The following GLI3 variants were observed in gnomAD, a reference collection of about 807,000 sequenced individuals.
GLI3 encodes the protein transcription activator GLI3.
In GLI3, 20 loss-of-function variants were observed where a neutral mutation model predicts 100.8. The ratio of observed to expected loss-of-function variants is 0.20; its 90% confidence interval spans 0.14 to 0.29. The LOEUF is 0.29. Ranked by LOEUF, GLI3 falls within the 10% of genes least tolerant of loss-of-function variation. GLI3 has a pLI of 1.00. For missense variants in GLI3, 2,040 were observed against 2,128.5 expected (o/e 0.96, Z 0.82); for synonymous variants, 938 against 860.5 (o/e 1.09, Z -1.58).
rs367543767 is a variant in GLI3 at position 42,045,488 on chromosome 7, A to G, written c.722T>C (p.Met241Thr). The G allele has an allele frequency of 1.2e-6, 2 of 1,614,114 alleles. No individual in the cohort carries two copies. Among genetic ancestry groups the G allele is most frequent in the Non-Finnish European group, 1.7e-6 (2 of 1,179,966 alleles). Residue 241 changes from methionine to threonine, a missense_variant, in exon 6 of 15, where the codon ATG becomes ACG. Physicochemically the swap from Met to Thr is moderately conservative, Grantham distance 81. This residue lies in a region of GLI3 where 603 missense variants were observed against 690.9 expected (regional missense o/e 0.87). Transcript: ENST00000395925. ...GVSPAEYYHQ[M>T]ALLTGQRSPY... Reference sequence around the variant, plus strand: ...GCTGCGCTGGCCAGTTAGCAGGGCCATCTGATGATAGTATTCTGCTGGGCT... The same window carrying G: ...GCTGCGCTGGCCAGTTAGCAGGGCCGTCTGATGATAGTATTCTGCTGGGCT...
Position 41,965,790 on chromosome 7 carries a change from C to T in GLI3, c.3283G>A (p.Asp1095Asn), listed in dbSNP as rs370778213. 26 of 1,613,234 alleles carry T rather than the reference C, an allele frequency of 1.6e-5. 1 individual carries two copies. In the South Asian group the frequency reaches 2.5e-4, roughly 16 times the overall value. ...NLNDEDFLPD[D>N]VVQYLNSQNQ... ...TGGGAATTTAAATACTGCACCACGT[C>T]GTCCGGCAGGAAATCCTCATCGTTC... The change falls in exon 15 of 15, where the codon GAC becomes AAC. Residue 1095 changes from aspartate to asparagine, a missense_variant. Asp to Asn is a conservative substitution (Grantham distance 23). This residue lies in a region of GLI3 where 1,041 missense variants were observed against 924.0 expected (regional missense o/e 1.13). Transcript: ENST00000395925.
intron 3 of GLI3, among the ~76,000 whole-genome samples, chr7:42,114,309 G>A (rs1250750006): frequency 1.3e-5 from 2 of 152,130 alleles, no homozygotes; most frequent in African/African-American, 2.4e-5. Context: ...TCTGATTATT[G>A]GTAGTCCATA....
intron 2 of GLI3, among the ~76,000 whole-genome samples, chr7:42,217,465 G>A (rs967490085): frequency 2.6e-5 from 4 of 152,064 alleles, no homozygotes; most frequent in African/African-American, 4.8e-5. Flanking sequence ...AATCTAATTC[G>A]AATACAGCAC....
chr7:42,096,963 A>C (rs1785351621), intron 3 of GLI3, among the ~76,000 whole-genome samples: 1 of 152,208 alleles, frequency 6.6e-6, no homozygotes, highest in East Asian at 1.9e-4. Context: ...CTCTGCGGCC[A>C]GCCTAAGGGA....
intron 2 of GLI3, among the ~76,000 whole-genome samples, chr7:42,148,926 G>T (rs989904972): frequency 1.3e-4 from 20 of 152,206 alleles, no homozygotes; most frequent in African/African-American, 4.8e-4. Context: ...TACCCACTGA[G>T]GCTCTGGTTG....
intron 7 of GLI3, among the ~76,000 whole-genome samples, chr7:42,029,016 T>C (rs1365327610): frequency 6.6e-6 from 1 of 152,044 alleles, no homozygotes; most frequent in Non-Finnish European, 1.5e-5. Context: ...TTCTCTAAAA[T>C]CCACATCAAC....
rs188405316 is a variant in GLI3 at position 42,144,072 on chromosome 7, G to A, written c.367+4154C>T. On this transcript the variant is annotated intron_variant, in intron 3 of 14. Transcript: ENST00000395925. ...CACATGTTTTCTGTAAAAGGGAAGC[G>A]AATAAAAGTTAAGTGTCGGCCAGGG... 1.3e-4 allele frequency among the ~76,000 whole-genome samples: 20 copies of A among 152,294 alleles called. No individual in the cohort carries two copies. In the East Asian group the frequency reaches 2.7e-3, roughly 21 times the overall value.
At chr7:42,168,069 C>T (rs1246177263) in intron 2 of GLI3, among the ~76,000 whole-genome samples, 1 of 152,134 alleles carries the variant, frequency 6.6e-6, no homozygotes, top group African/African-American at 2.4e-5. Context: ...CTTCCATTTA[C>T]TAGAGTAAAT....
intron 3 of GLI3, among the ~76,000 whole-genome samples, chr7:42,132,999 T>G (rs1378236388): frequency 6.6e-6 from 1 of 152,184 alleles, no homozygotes; most frequent in African/African-American, 2.4e-5. Context: ...CATATTCCAT[T>G]GTTACTAACA....
At chr7:42,071,860 T>C (rs980033941) in intron 4 of GLI3, among the ~76,000 whole-genome samples, 1 of 152,048 alleles carries the variant, frequency 6.6e-6, no homozygotes, top group Non-Finnish European at 1.5e-5. Context: ...TAATACTGAG[T>C]CCTCTCCCTG....
chr7:42,073,583 G>A (rs1360359646), intron 4 of GLI3, among the ~76,000 whole-genome samples: 1 of 152,198 alleles, frequency 6.6e-6, no homozygotes, highest in Non-Finnish European at 1.5e-5. Flanking sequence ...TATCTAAAAA[G>A]AGGAGCAATT....
intron 2 of GLI3, among the ~76,000 whole-genome samples, chr7:42,179,471 G>C (rs536628170): frequency 6.6e-6 from 1 of 152,258 alleles, no homozygotes; most frequent in South Asian, 2.1e-4. Flanking sequence ...TTAAGCAGGA[G>C]AGTGACATAA....
rs754391600 is a variant in GLI3 at position 41,965,505 on chromosome 7, C to T, written c.3568G>A (p.Ala1190Thr). 3 of 1,607,380 alleles carry T rather than the reference C, an allele frequency of 1.9e-6. No homozygotes were observed. Among genetic ancestry groups the T allele is most frequent in the Admixed American group, 1.7e-5 (1 of 59,886 alleles). Residue 1190 changes from alanine to threonine, a missense_variant, in exon 15 of 15, where the codon GCC (alanine) becomes ACC (threonine). Physicochemically the swap from Ala to Thr is moderately conservative, Grantham distance 58 (BLOSUM62 0). Transcript: ENST00000395925. The part of the protein sequence containing the change: ...GPRPAVPQTR[A>T]FGFCNGMVVH... ...ACCATGCCGTTGCAGAACCCAAAGG[C>T]GCGAGTCTGCGGCACAGCGGGCCGC...
chr7:42,055,365 T>C (rs935806665), intron 4 of GLI3, among the ~76,000 whole-genome samples: 1 of 152,022 alleles, frequency 6.6e-6, no homozygotes, highest in Non-Finnish European at 1.5e-5. Context: ...ACAGCCTGTG[T>C]GGGGAGTCTC....
chr7:41,999,914 G>A (rs1333905519), intron 10 of GLI3, among the ~76,000 whole-genome samples: 1 of 152,032 alleles, frequency 6.6e-6, no homozygotes, highest in African/African-American at 2.4e-5. Context: ...AGACCAGCAG[G>A]GGAACTGAAA....
intron 10 of GLI3, among the ~76,000 whole-genome samples, chr7:41,996,095 A>G (rs1321197816): frequency 1.3e-5 from 2 of 152,220 alleles, no homozygotes; most frequent in African/African-American, 2.4e-5. Flanking sequence ...AACACTTCAT[A>G]CAGTGGATGG....
rs1787200937 is a variant in GLI3, at chr7:41,966,884, G to T, written c.2432-243C>A. 6.6e-6 allele frequency among the ~76,000 whole-genome samples: 1 copy of T among 152,130 alleles called. No homozygotes were observed. Among genetic ancestry groups the T allele is most frequent in the South Asian group, 2.1e-4 (1 of 4,828 alleles). ...AGCTTCCTTTACAAAAACAGGGGCG[G>T]CTGGAGATGGCCGCAGGCTGTAGTT... On this transcript the variant is annotated intron_variant, in intron 14 of 14. Transcript: ENST00000395925. This position sits in a 1 kb window ranked among gnomAD's most constrained non-coding sequence, Gnocchi z 5.8.
At chr7:42,201,095 C>A (rs1019046) in intron 2 of GLI3, among the ~76,000 whole-genome samples, 1 of 152,062 alleles carries the variant, frequency 6.6e-6, no homozygotes, top group Non-Finnish European at 1.5e-5. Flanking sequence ...TATATACTTA[C>A]GATACCGTTT....
chr7:42,241,557 C>A (rs1788925026), upstream of GLI3, among the ~76,000 whole-genome samples: 1 of 152,192 alleles, frequency 6.6e-6, no homozygotes, highest in South Asian at 2.1e-4. Context: ...CGCTGACTGG[C>A]CAGCTGCCAG....
Sources: allele counts gnomAD v4.1 joint callset (sites outside exome capture counted in the v4.1 genomes callset), GRCh38; gene constraint gnomAD v4.1.1; regional missense constraint gnomAD v4.1.1; non-coding constraint Gnocchi (gnomAD v3.1); transcripts MANE v1.5; gene names NCBI Gene and HGNC (gene_info 2026-07-23, HGNC 2026-07-21).